GPHN: variants seen among roughly 807,000 people sequenced by gnomAD.
The protein encoded by GPHN is gephyrin.
Under a neutral mutation model 95.5 loss-of-function variants are expected in GPHN, and 17 were observed. The ratio of observed to expected loss-of-function variants is 0.18; its 90% CI spans 0.12 to 0.27. GPHN has a LOEUF of 0.27. Among genes scored for constraint, GPHN ranks in the 10% least tolerant of loss-of-function variants. The probability of loss-of-function intolerance (pLI) is 1.00; values close to 1 mark genes in which losing one functional copy is unlikely to be tolerated. For missense variants in GPHN, 660 were observed against 978.1 expected (o/e 0.67, Z 4.34); for synonymous variants, 320 against 322.5 (o/e 0.99, Z 0.08).
At position 66,776,493 on chromosome 14, in the gene GPHN, T is replaced by C; in HGVS notation, c.173T>C (p.Ile58Thr). The change falls in exon 3 of 23, where the codon ATA becomes ACA. Residue 58 changes from isoleucine (I) to threonine (T), a missense_variant. Transcript: ENST00000478722. ...GGTGGGACTATATCAGCATACAAGA[T>C]AGTACCAGATGAAATAGAAGAAATC... ...LLGGTISAYK[I>T]VPDEIEEIKE... 6.3e-7 allele frequency: 1 copy of C among 1,579,640 alleles called. No individual in the cohort carries two copies. Among genetic ancestry groups the C allele is most frequent in the Non-Finnish European group, 8.7e-7 (1 of 1,150,318 alleles).
At chr14:66,907,760 G>C (rs1320402843) in intron 5 of GPHN, among the ~76,000 whole-genome samples, 4 of 152,146 alleles carry the variant, frequency 2.6e-5, no homozygotes, top group African/African-American at 9.7e-5. Flanking sequence ...AGTTGATAAA[G>C]TTGTATCCCA....
At chr14:67,481,171 A>G in the GPHN span, among the ~76,000 whole-genome samples, 2 of 152,192 alleles carry the variant, frequency 1.3e-5, no homozygotes, top group Non-Finnish European at 2.9e-5. Context: ...GTGTGCCTGT[A>G]GTCCCAGACG....
the GPHN span, chr14:67,674,404 G>A: frequency 6.2e-7 from 1 of 1,604,612 alleles, no homozygotes; most frequent in Non-Finnish European, 8.5e-7. Flanking sequence ...CAGCCGCTCG[G>A]GCACCCCTTG....
chr14:66,532,285 C>A (rs2058972833), intron 1 of GPHN, among the ~76,000 whole-genome samples: 1 of 152,162 alleles, frequency 6.6e-6, no homozygotes, highest in Admixed American at 6.5e-5. Flanking sequence ...GGAGGCTCAA[C>A]TGGGATTGTT....
chr14:67,558,589 A>G, the GPHN span, among the ~76,000 whole-genome samples: 1 of 152,224 alleles, frequency 6.6e-6, no homozygotes, highest in Non-Finnish European at 1.5e-5. Context: ...TCCTTAGGTC[A>G]GAAAAAAGGT....
the GPHN span, among the ~76,000 whole-genome samples, chr14:67,218,109 G>C: frequency 1.3e-5 from 2 of 152,274 alleles, no homozygotes; most frequent in East Asian, 3.9e-4. Flanking sequence ...CTTTGCCAGG[G>C]GTAGGCTCAC....
the GPHN span, among the ~76,000 whole-genome samples, chr14:67,203,959 G>A: frequency 6.6e-6 from 1 of 152,118 alleles, no homozygotes; most frequent in Non-Finnish European, 1.5e-5. Context: ...TGATCCACCC[G>A]CCTTGGCCTC....
At chr14:67,622,498 T>C in the GPHN span, among the ~76,000 whole-genome samples, 1 of 152,244 alleles carries the variant, frequency 6.6e-6, no homozygotes, top group Admixed American at 6.5e-5. Context: ...CTAAGGCCTC[T>C]CTTAGTCATT....
the GPHN span, among the ~76,000 whole-genome samples, chr14:67,595,508 A>G: frequency 1.3e-5 from 2 of 152,222 alleles, no homozygotes; most frequent in East Asian, 3.8e-4. Context: ...ACCAGCCCCA[A>G]TTGAACAGTG....
At chr14:67,562,810 C>T in the GPHN span, 1 of 1,613,738 alleles carries the variant, frequency 6.2e-7, no homozygotes, top group East Asian at 2.2e-5. Context: ...AAAGAGAGAG[C>T]CCAAAGGCCC....
At chr14:66,911,422 A>G (rs1343127008) in intron 5 of GPHN, among the ~76,000 whole-genome samples, 2 of 152,016 alleles carry the variant, frequency 1.3e-5, no homozygotes, top group African/African-American at 4.8e-5. Flanking sequence ...GTTGTATGGT[A>G]TATGAATTTT....
chr14:67,562,532 G>T, the GPHN span: 1 of 1,609,604 alleles, frequency 6.2e-7, no homozygotes, highest in Non-Finnish European at 8.5e-7. Context: ...AAAGACCTCT[G>T]CCAGGGAAGG....
chr14:66,772,133 A>AT (rs1199844967), intron 2 of GPHN, among the ~76,000 whole-genome samples: 1 of 151,718 alleles, frequency 6.6e-6, no homozygotes, highest in Admixed American at 6.6e-5. Flanking sequence ...AAAAAGACAG[A>AT]TAACCCTGTG....
chr14:67,198,342 AG>A, the GPHN span: 1 of 1,595,986 alleles, frequency 6.3e-7, no homozygotes, highest in African/African-American at 1.3e-5. Flanking sequence ...TCAAGGCCTG[AG>A]TTAAGTTCCA....
Position 66,707,634 on chromosome 14 carries a change from G to A in GPHN, c.143+26449G>A, listed in dbSNP as rs537478222. ...GAACAATGAGAACACATGGACACAC[G>A]GAGGAGAACAACACACACCAGGGCC... On this transcript the variant is annotated intron_variant, in intron 2 of 22. Transcript: ENST00000478722. Among the ~76,000 whole-genome samples, 11 of 152,268 alleles carry A rather than the reference G, an allele frequency of 7.2e-5. No homozygotes were observed. The South Asian group carries it at 1.9e-3, about 26-fold the overall frequency.
At chr14:67,224,281 C>CA in the GPHN span, among the ~76,000 whole-genome samples, 1 of 139,008 alleles carries the variant, frequency 7.2e-6, no homozygotes, top group Non-Finnish European at 1.5e-5. Context: ...TTTTTTGAGA[C>CA]AGAGTCTTAC....
chr14:66,722,830 C>G (rs752043310), intron 2 of GPHN, among the ~76,000 whole-genome samples: 2 of 152,156 alleles, frequency 1.3e-5, no homozygotes, highest in Non-Finnish European at 2.9e-5. Context: ...AAAATAAGAT[C>G]CTGTTTCCAA....
chr14:67,673,992 C>T, the GPHN span, among the ~76,000 whole-genome samples: 2 of 152,180 alleles, frequency 1.3e-5, no homozygotes, highest in Non-Finnish European at 2.9e-5. Context: ...GCTACGGATC[C>T]TCTGTCAGTC....
At chr14:67,590,350 T>G in the GPHN span, among the ~76,000 whole-genome samples, 1 of 151,532 alleles carries the variant, frequency 6.6e-6, no homozygotes, top group East Asian at 1.9e-4. Context: ...CCTCCCAGGT[T>G]CAAGTGATTC....
Sources: gnomAD v4.1 joint callset for allele counts (sites outside exome capture counted in the v4.1 genomes callset) on GRCh38, gnomAD v4.1.1 for gene constraint, MANE v1.5 for transcripts, NCBI Gene and HGNC (gene_info 2026-07-23, HGNC 2026-07-21) for gene names.